RIOX2: variants seen among roughly 807,000 people sequenced by gnomAD.
RIOX2 encodes the protein ribosomal oxygenase 2.
RIOX2 carries 43 observed loss-of-function variants against 51.2 expected under a neutral mutation model. The ratio of observed to expected loss-of-function variants is 0.84; its 90% confidence interval spans 0.66 to 1.08. RIOX2 has a LOEUF of 1.08. RIOX2 is among the 50% of genes least tolerant of loss of function. The pLI, the probability that RIOX2 is intolerant of heterozygous loss-of-function variation, is 0.00. For synonymous variants in RIOX2, 226 were observed against 218.5 expected, an observed-to-expected ratio of 1.03 and a Z score of -0.30; for missense variants, 566 against 561.7, an observed-to-expected ratio of 1.01 and a Z score of -0.08.
At chr3:97,968,118 G>A (rs1445235522) in intron 1 of RIOX2, among the ~76,000 whole-genome samples, 1 of 152,106 alleles carries the variant, frequency 6.6e-6, no homozygotes, top group Non-Finnish European at 1.5e-5. Flanking sequence ...GCTCCTCACC[G>A]CAGCACCACC....
chr3:97,944,540 A>G lies in RIOX2; in HGVS notation c.*644T>C, dbSNP rs539458392. 22 of 152,508 alleles carry G rather than the reference A, an allele frequency of 1.4e-4. No homozygotes were observed. The highest frequency in any genetic ancestry group is 5.3e-4 in the African/African-American group (22 of 41,538). 9.4% of individuals were successfully genotyped at this position (152,508 alleles called of 1,614,324 possible). On this transcript the variant is annotated 3_prime_UTR_variant, in exon 10 of 10. Transcript: ENST00000394198. ...AATGTAAAATAACAATGACTATTTTAAACTCGAAGACCCACTATTTTGAGT... is the reference window on the plus strand; with the variant it reads ...AATGTAAAATAACAATGACTATTTTGAACTCGAAGACCCACTATTTTGAGT...
intron 1 of RIOX2, among the ~76,000 whole-genome samples, chr3:97,970,652 T>G (rs1187816142): frequency 6.6e-6 from 1 of 152,138 alleles, no homozygotes; most frequent in African/African-American, 2.4e-5. Context: ...ACCACCCCAA[T>G]AGGAGTAAAT....
chr3:97,949,882 G>T lies in RIOX2; in HGVS notation c.1022C>A (p.Pro341His), dbSNP rs753392377. The change falls in exon 7 of 10, where the codon CCT becomes CAT. Residue 341 changes from proline (P) to histidine (H), a missense_variant. By Grantham distance (77) the Pro-to-His change is moderately conservative (BLOSUM62 -2). Coordinates refer to ENST00000394198, the MANE Select transcript of RIOX2 (RefSeq NM_153182.4). ...CTCTGCCCCATCTCCCGCAGAGTAA[G>T]GGGGGAGTCTGTGCATAATAAAATC... ...KKDFIMHRLP[P>H]YSAGDGAELS... The T allele has an allele frequency of 6.2e-7, 1 of 1,613,602 alleles. No individual in the cohort carries two copies. The highest frequency in any genetic ancestry group is 8.5e-7 in the Non-Finnish European group (1 of 1,179,834).
At position 97,945,249 on chromosome 3, in the gene RIOX2, TAGTA is replaced by T. The variant is rs775581788; in HGVS notation, c.1329_1332del (p.Thr444GlnfsTer17). On this transcript the variant is annotated frameshift_variant, in exon 10 of 10. Coordinates refer to ENST00000394198, the MANE Select transcript of RIOX2 (RefSeq NM_153182.4). LOFTEE classifies it high-confidence loss of function. ...ACCAGGCTTTCCTTTTCCTCATCTG[TAGTA>T]AGTTTCAGGTCCTTGACAGAAATAG... The T allele has an allele frequency of 9.3e-6, 15 of 1,612,670 alleles. No homozygotes were observed. Among genetic ancestry groups the T allele is most frequent in the Non-Finnish European group, 1.3e-5 (15 of 1,179,056 alleles).
Position 97,943,271 on chromosome 3 carries a change from T to C in RIOX2, c.*1913A>G. On this transcript the variant is annotated 3_prime_UTR_variant, in exon 10 of 10. Coordinates refer to ENST00000394198, the MANE Select transcript of RIOX2 (RefSeq NM_153182.4). ...ACTCATGTAATTGTAAATCAGCCCC[T>C]GGAGGGAGAAGAAACACAGAAATGG... The C allele has an allele frequency of 1.9e-6, 3 of 1,594,764 alleles. No homozygotes were observed. The highest frequency in any genetic ancestry group is 2.2e-5 in the East Asian group (1 of 44,662).
chr3:97,945,810 CTCA>C lies in RIOX2; in HGVS notation c.1224_1226del (p.Asn408_Glu409delinsLys). 2 of 1,609,858 alleles carry C rather than the reference CTCA, an allele frequency of 1.2e-6. No homozygotes were observed. The highest frequency in any genetic ancestry group is 1.7e-6 in the Non-Finnish European group (2 of 1,176,754). On this transcript the variant is annotated inframe_deletion, in exon 9 of 10. Transcript: ENST00000394198. Reference sequence around the variant, plus strand: ...AGTTGAAACAAACCTCTGTTTCCTCCTCATTTCCCATCATGTGTGTCTCTCTAC... The same window carrying C: ...AGTTGAAACAAACCTCTGTTTCCTCCTTTCCCATCATGTGTGTCTCTCTAC...
intron 2 of RIOX2, 136 bp from the exon 3 acceptor site, chr3:97,961,844 T>C (rs1361520278): frequency 2.1e-6 from 2 of 958,986 alleles, no homozygotes; most frequent in South Asian, 2.2e-5. Flanking sequence ...CTGGGAATTA[T>C]GCAATGATAC....
Position 97,943,333 on chromosome 3 carries a change from A to G in RIOX2, c.*1851T>C, listed in dbSNP as rs750904423. On this transcript the variant is annotated 3_prime_UTR_variant, in exon 10 of 10. Transcript: ENST00000394198. ...ATTGTGAGAGAATCAACATCCCTAG[A>G]AAGATCCCTAGAAAGAGCAAAGAAG... The G allele has an allele frequency of 2.9e-6, 4 of 1,382,044 alleles. No individual in the cohort carries two copies. The South Asian group carries it at 3.5e-5, about 12-fold the overall frequency. 85.6% of individuals were successfully genotyped at this position (1,382,044 alleles called of 1,614,324 possible).
chr3:97,946,875 T>C (rs2040379954), intron 8 of RIOX2, among the ~76,000 whole-genome samples: 1 of 151,962 alleles, frequency 6.6e-6, no homozygotes, highest in Non-Finnish European at 1.5e-5. Flanking sequence ...TTAAAAAGCT[T>C]TCCAATTGAC....
At chr3:97,947,228 A>G (rs752308170) in intron 8 of RIOX2, 133 bp downstream of exon 8, 13 of 693,542 alleles carry the variant, frequency 1.9e-5, no homozygotes, top group Admixed American at 7.2e-5. Context: ...ATCTGACCTG[A>G]AGAAATGGCA....
At position 97,961,632 on chromosome 3, in the gene RIOX2, G is replaced by C; in HGVS notation, c.509C>G (p.Pro170Arg). 6.2e-7 allele frequency: 1 copy of C among 1,611,846 alleles called. No homozygotes were observed. Among genetic ancestry groups the C allele is most frequent in the Non-Finnish European group, 8.5e-7 (1 of 1,179,362 alleles). ...SLVGSNVYIT[P>R]AGSQGLPPHY... Reference sequence around the variant, plus strand: ...GGGCGGCAGGCCCTGAGATCCTGCGGGAGTTATGTACACATTCGAGCCAAC... The same window carrying C: ...GGGCGGCAGGCCCTGAGATCCTGCGCGAGTTATGTACACATTCGAGCCAAC... The change falls in exon 3 of 10, where the codon CCC becomes CGC. Residue 170 changes from proline (P) to arginine (R), a missense_variant. By Grantham distance (103) the Pro-to-Arg change is moderately radical. Coordinates refer to ENST00000394198, the MANE Select transcript of RIOX2 (RefSeq NM_153182.4).
At chr3:97,971,582 G>A (rs1361381301) in intron 1 of RIOX2, 1 of 152,202 alleles carries the variant, frequency 6.6e-6, no homozygotes, top group Admixed American at 6.5e-5. Context: ...AGAGGAAACG[G>A]ACTATACCTC....
chr3:97,946,678 A>G (rs2040375398), intron 8 of RIOX2, among the ~76,000 whole-genome samples: 1 of 150,694 alleles, frequency 6.6e-6, no homozygotes, highest in Non-Finnish European at 1.5e-5. Flanking sequence ...TTATCGAGAC[A>G]TGTTGAGTGC....
chr3:97,952,270 C>T (rs1461547026), intron 5 of RIOX2: 1 of 1,277,852 alleles, frequency 7.8e-7, no homozygotes, highest in Non-Finnish European at 1.0e-6. Flanking sequence ...AGACACAGGT[C>T]AAAATCCAGC....
At position 97,943,310 on chromosome 3, in the gene RIOX2, T is replaced by C. The variant is rs2040273740; in HGVS notation, c.*1874A>G. On this transcript the variant is annotated 3_prime_UTR_variant, in exon 10 of 10. Coordinates refer to ENST00000394198, the MANE Select transcript of RIOX2 (RefSeq NM_153182.4). ...ACACAGAAATGGGACATTGAAATATTGTGAGAGAATCAACATCCCTAGAAA... is the reference window on the plus strand; with the variant it reads ...ACACAGAAATGGGACATTGAAATATCGTGAGAGAATCAACATCCCTAGAAA... The C allele has an allele frequency of 1.0e-5, 16 of 1,540,802 alleles. No individual in the cohort carries two copies. Among genetic ancestry groups the C allele is most frequent in the Non-Finnish European group, 1.3e-5 (15 of 1,115,490 alleles).
Position 97,949,703 on chromosome 3 carries a change from T to C in RIOX2, c.1060+141A>G. The stretch of plus-strand genomic sequence containing the variant: ...GAGTGCAGCACATCTCGTCTGCCCA[T>C]ATTCACTAAGGATGGATGTGGTCCA... On this transcript the variant is annotated intron_variant, in intron 7 of 9. Transcript: ENST00000394198. 5.5e-6 allele frequency: 4 copies of C among 723,352 alleles called. No homozygotes were observed. The East Asian group carries it at 7.8e-5, about 14-fold the overall frequency. 44.8% of individuals were successfully genotyped at this position (723,352 alleles called of 1,614,324 possible).
chr3:97,954,494 G>A lies in RIOX2; in HGVS notation c.683C>T (p.Pro228Leu), dbSNP rs747466412. 22 of 1,613,268 alleles carry A rather than the reference G, an allele frequency of 1.4e-5. No individual in the cohort carries two copies. The highest frequency in any genetic ancestry group is 1.6e-4 in the Middle Eastern group (1 of 6,072). ...TCTGGGAAAGTACAACAAATCACCCGGCTAAAGGAAGGAATAGGAAAGGGT... is the reference window on the plus strand; with the variant it reads ...TCTGGGAAAGTACAACAAATCACCCAGCTAAAGGAAGGAATAGGAAAGGGT... ...GRPVHEFMLK[P>L]GDLLYFPRGT... The change falls in exon 5 of 10, where the codon CCG becomes CTG. Residue 228 changes from proline (P) to leucine (L), a missense_variant and splice_region_variant. Transcript: ENST00000394198.
intron 1 of RIOX2, among the ~76,000 whole-genome samples, chr3:97,968,216 C>A (rs1705970559): frequency 6.6e-6 from 1 of 152,152 alleles, no homozygotes; most frequent in African/African-American, 2.4e-5. Context: ...CCTGTCTCCA[C>A]TAACCACCTG....
intron 4 of RIOX2, among the ~76,000 whole-genome samples, chr3:97,958,684 C>G (rs552948496): frequency 2.6e-5 from 4 of 152,342 alleles, no homozygotes; most frequent in African/African-American, 9.6e-5. Context: ...CAGCCCTGTG[C>G]TGACCATCGT....
Sources: gnomAD v4.1 joint callset for allele counts (sites outside exome capture counted in the v4.1 genomes callset) on GRCh38, gnomAD v4.1.1 for gene constraint, MANE v1.5 for transcripts, NCBI Gene and HGNC (gene_info 2026-07-23, HGNC 2026-07-21) for gene names.